The following HSPH1 variants were observed in gnomAD, a reference collection of about 807,000 sequenced individuals.
HSPH1 encodes the protein heat shock protein 105 kDa.
A neutral mutation model predicts 100.0 loss-of-function variants in HSPH1; 40 were observed. That is an observed-to-expected ratio of 0.40 (90% CI 0.31 to 0.52). HSPH1 has a LOEUF of 0.52. Ranked by LOEUF, HSPH1 falls within the 20% of genes least tolerant of loss-of-function variation. The pLI, the probability that HSPH1 is intolerant of heterozygous loss-of-function variation, is 0.54. For synonymous variants in HSPH1, 403 were observed against 344.0 expected (o/e 1.17, Z -1.90); for missense variants, 876 against 1,015.1 (o/e 0.86, Z 1.86).
At position 31,145,586 on chromosome 13, in the gene HSPH1, G is replaced by A. The variant is rs1346922294; in HGVS notation, c.1561C>T (p.Pro521Ser). 5.0e-6 allele frequency: 8 copies of A among 1,613,226 alleles called. No homozygotes were observed. The highest frequency in any genetic ancestry group is 5.1e-6 in the Non-Finnish European group (6 of 1,179,606). ...ACATCAGTGTCTGGGTTTTCTGGTG[G>A]TCTCTGATTCAGACACTCCATGTCA... ...EADMECLNQR[P>S]PENPDTDKNV... The change falls in exon 11 of 18, where the codon CCA becomes TCA. Residue 521 changes from proline to serine, a missense_variant. By Grantham distance (74) the Pro-to-Ser change is moderately conservative. Coordinates refer to ENST00000320027, the MANE Select transcript of HSPH1 (RefSeq NM_006644.4).
chr13:31,162,157 G>T, upstream of HSPH1: 1 of 1,439,190 alleles, frequency 6.9e-7, no homozygotes, highest in Non-Finnish European at 9.4e-7. Context: ...TCCCGCCCTA[G>T]CCACAGGCGT....
chr13:31,137,908 G>A (rs1337400485), intron 17 of HSPH1, among the ~76,000 whole-genome samples: 1 of 152,148 alleles, frequency 6.6e-6, no homozygotes, highest in East Asian at 1.9e-4. Flanking sequence ...GCTTAAAAGG[G>A]TCACTTTTCC....
intron 7 of HSPH1, 48 bp downstream of exon 7, chr13:31,150,899 G>C: frequency 5.1e-6 from 8 of 1,557,542 alleles, no homozygotes; most frequent in Non-Finnish European, 6.9e-6. Flanking sequence ...CTGGGCTACA[G>C]TTTCAAAAGA....
At chr13:31,157,092 T>C (rs1298914608) in intron 2 of HSPH1, among the ~76,000 whole-genome samples, 1 of 152,254 alleles carries the variant, frequency 6.6e-6, no homozygotes, top group Non-Finnish European at 1.5e-5. Flanking sequence ...TACAGTTAGC[T>C]TGGCAGTACT....
intron 4 of HSPH1, chr13:31,154,397 T>A: frequency 1.8e-6 from 1 of 558,000 alleles, no homozygotes; most frequent in South Asian, 2.0e-5. Flanking sequence ...AGTCAAAATC[T>A]GTATTTTCAA....
Position 31,148,110 on chromosome 13 carries a change from A to G in HSPH1, c.1245-18T>C. 6.3e-7 allele frequency: 1 copy of G among 1,598,534 alleles called. No individual in the cohort carries two copies. Among genetic ancestry groups the G allele is most frequent in the South Asian group, 1.1e-5 (1 of 87,194 alleles). ...CATGAACACTAGAGAGAAAAGAAAA[A>G]GGCATTCAGCAGATGAAGAACTTAA... On this transcript the variant is annotated intron_variant, in intron 9 of 17. Coordinates refer to ENST00000320027, the MANE Select transcript of HSPH1 (RefSeq NM_006644.4).
intron 6 of HSPH1, 29 bp from the exon 7 acceptor site, chr13:31,151,220 G>C: frequency 6.5e-7 from 1 of 1,548,382 alleles, no homozygotes; most frequent in Non-Finnish European, 8.7e-7. Context: ...CAAATAGTCT[G>C]GTTATTTTCA....
intron 1 of HSPH1, among the ~76,000 whole-genome samples, chr13:31,159,984 T>C (rs1022524543): frequency 6.6e-6 from 1 of 152,158 alleles, no homozygotes; most frequent in African/African-American, 2.4e-5. Context: ...TTGTACTAAA[T>C]AACAATTAGT....
intron 2 of HSPH1, 22 bp downstream of exon 2, chr13:31,158,784 C>G: frequency 6.5e-7 from 1 of 1,550,050 alleles, no homozygotes; most frequent in Non-Finnish European, 8.9e-7. Flanking sequence ...AAAAGTGATC[C>G]GAATTCTCTT....
intron 10 of HSPH1, among the ~76,000 whole-genome samples, chr13:31,146,860 C>T (rs749139682): frequency 2.3e-4 from 35 of 152,204 alleles, no homozygotes; most frequent in Middle Eastern, 6.8e-3. Flanking sequence ...GTATTTTGAA[C>T]CTATTATGTG....
chr13:31,157,330 A>G (rs542045463), intron 2 of HSPH1, among the ~76,000 whole-genome samples: 12 of 152,340 alleles, frequency 7.9e-5, no homozygotes, highest in East Asian at 1.9e-4. Flanking sequence ...CCTTTTGAAC[A>G]TATTTTGAGT....
At chr13:31,142,926 G>A (rs539180788) in intron 12 of HSPH1, among the ~76,000 whole-genome samples, 1 of 151,680 alleles carries the variant, frequency 6.6e-6, no homozygotes, top group African/African-American at 2.4e-5. Context: ...TCAGAAATCA[G>A]AGTCAGGACC....
In HSPH1 at chr13:31,145,641, T is replaced by G; in HGVS notation, c.1506A>C (p.Pro502=). The G allele has an allele frequency of 6.2e-7, 1 of 1,613,700 alleles. No individual in the cohort carries two copies. Among genetic ancestry groups the G allele is most frequent in the South Asian group, 1.1e-5 (1 of 91,078 alleles). ...ISTASMVEKV[P]TEENEMSSEA... ...CAGAAGACATTTCATTCTCCTCAGT[T>G]GGGACTTTCTCCACCATAGATGCCG... Residue 502 remains proline, a synonymous_variant, in exon 11 of 18, where the codon CCA becomes CCC. Coordinates refer to ENST00000320027, the MANE Select transcript of HSPH1 (RefSeq NM_006644.4).
chr13:31,149,904 G>T, intron 8 of HSPH1, 50 bp downstream of exon 8: 1 of 1,420,770 alleles, frequency 7.0e-7, no homozygotes, highest in Non-Finnish European at 1.0e-6. Context: ...ACATCCAGTG[G>T]AAACTGTTTA....
At chr13:31,148,251 A>G (rs1263029962) in intron 9 of HSPH1, 123 bp downstream of exon 9, 3 of 1,040,978 alleles carry the variant, frequency 2.9e-6, no homozygotes, top group Non-Finnish European at 4.3e-6. Context: ...TTGGTTGTTC[A>G]AAGATTCCAG....
At position 31,143,843 on chromosome 13, in the gene HSPH1, G is replaced by C. The variant is rs773209218; in HGVS notation, c.1665C>G (p.Pro555=). 5 of 1,611,626 alleles carry C rather than the reference G, an allele frequency of 3.1e-6. No homozygotes were observed. The highest frequency in any genetic ancestry group is 2.2e-5 in the South Asian group (2 of 90,866). Residue 555 remains proline (P), a synonymous_variant, in exon 12 of 18, where the codon CCC becomes CCG. Transcript: ENST00000320027. ...QTDAQQTSQS[P]PSPELTSEEN... is the part of the protein sequence containing the mutation. Reference sequence around the variant, plus strand: ...CTTCTGAGGTAAGTTCAGGTGAAGGGGGAGACTGTGAGGTTTGTTGAGCAT... The same window carrying C: ...CTTCTGAGGTAAGTTCAGGTGAAGGCGGAGACTGTGAGGTTTGTTGAGCAT...
At chr13:31,137,655 A>C in intron 17 of HSPH1, 131 bp from the exon 18 acceptor site, 5 of 676,140 alleles carry the variant, frequency 7.4e-6, no homozygotes, top group Admixed American at 3.1e-5. Context: ...ACATTTTCTC[A>C]TTACACTTGC....
intron 9 of HSPH1, 89 bp downstream of exon 9, chr13:31,148,285 G>A (rs993524536): frequency 6.9e-6 from 7 of 1,012,672 alleles, no homozygotes; most frequent in South Asian, 4.2e-5. Flanking sequence ...TACTAGAGAA[G>A]TCATTTGTTA....
At chr13:31,147,113 A>G (rs1334226800) in intron 10 of HSPH1, among the ~76,000 whole-genome samples, 1 of 152,196 alleles carries the variant, frequency 6.6e-6, no homozygotes, top group East Asian at 1.9e-4. Context: ...TCAATCAAAC[A>G]TGAAAAATTA....
Sources: allele counts gnomAD v4.1 joint callset (sites outside exome capture counted in the v4.1 genomes callset), GRCh38; gene constraint gnomAD v4.1.1; transcripts MANE v1.5; gene names NCBI Gene and HGNC (gene_info 2026-07-23, HGNC 2026-07-21).